FBXO4: variants seen among roughly 807,000 people sequenced by gnomAD.
The protein encoded by FBXO4 is F-box only protein 4.
FBXO4 carries 36 observed loss-of-function variants against 43.7 expected under a neutral mutation model. That is an observed-to-expected ratio of 0.82 (90% CI 0.63 to 1.09). FBXO4 has a LOEUF of 1.09. FBXO4 is among the 50% of genes least tolerant of loss of function. The probability of loss-of-function intolerance (pLI) is 0.00; values close to 1 mark genes in which losing one functional copy is unlikely to be tolerated. For synonymous variants in FBXO4, 180 were observed against 165.6 expected (o/e 1.09, Z -0.67); for missense variants, 435 against 474.1 (o/e 0.92, Z 0.77).
chr5:42,019,991 A>T, the FBXO4 span, among the ~76,000 whole-genome samples: 1 of 152,108 alleles, frequency 6.6e-6, no homozygotes, highest in Non-Finnish European at 1.5e-5. Flanking sequence ...TTAATTTGTA[A>T]ATCAATCCAT....
At chr5:41,950,352 T>G in the FBXO4 span, among the ~76,000 whole-genome samples, 5 of 152,010 alleles carry the variant, frequency 3.3e-5, no homozygotes, top group Non-Finnish European at 7.4e-5. Context: ...TACAAAGACC[T>G]TAGACAAATT....
the FBXO4 span, among the ~76,000 whole-genome samples, chr5:41,985,737 C>T: frequency 6.6e-6 from 1 of 152,078 alleles, no homozygotes; most frequent in Non-Finnish European, 1.5e-5. Context: ...CTAGAATCTA[C>T]CTTATAAGCT....
the FBXO4 span, among the ~76,000 whole-genome samples, chr5:41,947,927 CAG>C: frequency 2.0e-5 from 3 of 152,104 alleles, no homozygotes; most frequent in East Asian, 5.8e-4. Flanking sequence ...GGTGATGGGG[CAG>C]AGAGAGGCAA....
At chr5:41,964,491 AACAGGATACATC>A in the FBXO4 span, among the ~76,000 whole-genome samples, 3 of 152,166 alleles carry the variant, frequency 2.0e-5, no homozygotes, top group Non-Finnish European at 4.4e-5. Context: ...TGGAAAAGAC[AACAGGATACATC>A]ACAGAAAAGC....
chr5:42,011,210 T>A, the FBXO4 span, among the ~76,000 whole-genome samples: 1 of 152,194 alleles, frequency 6.6e-6, no homozygotes, highest in Non-Finnish European at 1.5e-5. Context: ...TGATCTCTAA[T>A]GTGGCAGTGT....
the FBXO4 span, among the ~76,000 whole-genome samples, chr5:41,982,802 T>G: frequency 2.6e-5 from 4 of 152,264 alleles, no homozygotes; most frequent in Admixed American, 6.5e-5. Flanking sequence ...CGTGCCATGG[T>G]GTTTTACTGC....
the FBXO4 span, chr5:41,967,811 C>T: frequency 1.6e-6 from 1 of 610,132 alleles, no homozygotes; most frequent in Non-Finnish European, 3.2e-6. Flanking sequence ...AGGAGGCCAT[C>T]TACATTACCA....
intron 1 of FBXO4, 41 bp downstream of exon 1, chr5:41,925,539 C>T (rs1751457679): frequency 7.8e-7 from 1 of 1,283,464 alleles, no homozygotes; most frequent in Non-Finnish European, 9.9e-7. Flanking sequence ...GTGGGGCCGG[C>T]CCGGGCCGGA....
downstream of FBXO4, among the ~76,000 whole-genome samples, chr5:41,944,468 T>A (rs1477125340): frequency 6.6e-6 from 1 of 152,188 alleles, no homozygotes; most frequent in African/African-American, 2.4e-5. Context: ...CTGTTTGTTA[T>A]TTTTAGTGAC....
the FBXO4 span, among the ~76,000 whole-genome samples, chr5:41,965,929 G>T: frequency 0.011 from 1,722 of 152,284 alleles, 36 homozygotes; most frequent in African/African-American, 0.04. Flanking sequence ...TCTGGATTAA[G>T]AAAATGTGGG....
chr5:41,926,805 AT>A (rs1751518892), intron 1 of FBXO4, among the ~76,000 whole-genome samples: 1 of 152,248 alleles, frequency 6.6e-6, no homozygotes, highest in Non-Finnish European at 1.5e-5. Flanking sequence ...CAGAAATTAA[AT>A]GTTTAACAAC....
chr5:41,926,004 C>G (rs1007193177), intron 1 of FBXO4, among the ~76,000 whole-genome samples: 10 of 152,134 alleles, frequency 6.6e-5, no homozygotes, highest in Non-Finnish European at 1.5e-4. Context: ...AACGGCCCCT[C>G]AGTTGAAAAT....
the FBXO4 span, among the ~76,000 whole-genome samples, chr5:41,956,774 G>C: frequency 6.7e-6 from 1 of 148,706 alleles, no homozygotes; most frequent in Non-Finnish European, 1.5e-5. Flanking sequence ...GTGCAGTGGC[G>C]AGATCTCAGC....
the FBXO4 span, among the ~76,000 whole-genome samples, chr5:42,005,047 A>C: frequency 6.6e-6 from 1 of 152,158 alleles, no homozygotes; most frequent in Non-Finnish European, 1.5e-5. Flanking sequence ...GGTGGGTAAT[A>C]TAATGCTTCT....
At chr5:41,948,701 A>AT in the FBXO4 span, among the ~76,000 whole-genome samples, 2 of 152,104 alleles carry the variant, frequency 1.3e-5, no homozygotes, top group African/African-American at 4.8e-5. Context: ...ATATACTCAT[A>AT]TTTTTGCCAT....
chr5:41,995,470 C>T, the FBXO4 span, among the ~76,000 whole-genome samples: 4 of 152,194 alleles, frequency 2.6e-5, no homozygotes, highest in African/African-American at 9.7e-5. Flanking sequence ...TCAGCAGTGG[C>T]CATAGCCAGG....
At chr5:41,960,170 A>G in the FBXO4 span, among the ~76,000 whole-genome samples, 1 of 152,006 alleles carries the variant, frequency 6.6e-6, no homozygotes, top group Admixed American at 6.5e-5. Context: ...GCTTTTTGTT[A>G]ACGTGTAGAA....
At chr5:42,038,326 A>T in the FBXO4 span, among the ~76,000 whole-genome samples, 1 of 152,120 alleles carries the variant, frequency 6.6e-6, no homozygotes, top group Non-Finnish European at 1.5e-5. Flanking sequence ...TACTATAGTC[A>T]TTGCTTAATC....
chr5:41,982,379 G>A, the FBXO4 span, among the ~76,000 whole-genome samples: 9 of 152,104 alleles, frequency 5.9e-5, no homozygotes, highest in African/African-American at 2.2e-4. Flanking sequence ...GTGTAAAAGT[G>A]TTCCTATTTC....
Sources: allele counts gnomAD v4.1 joint callset (sites outside exome capture counted in the v4.1 genomes callset), GRCh38; gene constraint gnomAD v4.1.1; transcripts MANE v1.5; gene names NCBI Gene and HGNC (gene_info 2026-07-23, HGNC 2026-07-21).